Variants in DCX observed in about 807,000 individuals in gnomAD.
DCX encodes the protein neuronal migration protein doublecortin.
Under a neutral mutation model 20.9 loss-of-function variants are expected in DCX, and 4 were observed. That is an observed-to-expected ratio of 0.19 (90% CI 0.09 to 0.44). The LOEUF is 0.44. Among genes scored for constraint, DCX ranks in the 20% least tolerant of loss-of-function variants. The pLI is 0.99. For missense variants in DCX, 133 were observed against 296.9 expected, an observed-to-expected ratio of 0.45 and a Z score of 4.06; for synonymous variants, 103 against 111.4, an observed-to-expected ratio of 0.92 and a Z score of 0.47.
At chrX:111,368,901 TACACACACACACACAC>T (rs200777698) in intron 3 of DCX, among the ~76,000 whole-genome samples, 9 of 98,264 alleles carry the variant, frequency 9.2e-5, no homozygotes, top group Non-Finnish European at 1.7e-4. Context: ...TATATATACA[TACACACACACACACAC>T]ACACACACAC....
chrX:111,309,225 T>A (rs1292533067), intron 6 of DCX, among the ~76,000 whole-genome samples: 1 of 112,514 alleles, frequency 8.9e-6, no homozygotes, highest in African/African-American at 3.2e-5. Context: ...AAGAAGCTGA[T>A]TACAGCTTAG....
At chrX:111,398,274 G>GTT (rs947433352) in intron 3 of DCX, among the ~76,000 whole-genome samples, 1 of 107,839 alleles carries the variant, frequency 9.3e-6, no homozygotes, top group African/African-American at 3.4e-5. Flanking sequence ...CTGAGAATCT[G>GTT]TTTATGTCAG....
intron 3 of DCX, among the ~76,000 whole-genome samples, chrX:111,364,726 T>C (rs2147698412): frequency 9.0e-6 from 1 of 111,667 alleles, no homozygotes; most frequent in South Asian, 3.8e-4. Context: ...AAGAATGAGA[T>C]AGTTTATATT....
At chrX:111,366,037 G>C (rs746079596) in intron 3 of DCX, among the ~76,000 whole-genome samples, 16 of 112,103 alleles carry the variant, frequency 1.4e-4, no homozygotes, top group Non-Finnish European at 2.6e-4. Flanking sequence ...TCCCCTGTTG[G>C]ACAAAACTGC....
intron 5 of DCX, among the ~76,000 whole-genome samples, chrX:111,326,258 G>T (rs1170852472): frequency 4.5e-5 from 5 of 111,094 alleles, no homozygotes; most frequent in South Asian, 3.8e-4. Flanking sequence ...GCCTACCAGG[G>T]TGGGTAATTA....
intron 3 of DCX, among the ~76,000 whole-genome samples, chrX:111,400,766 T>G (rs371580951): frequency 3.6e-5 from 4 of 112,149 alleles, no homozygotes; most frequent in Admixed American, 1.9e-4. Context: ...TAAGTGACCT[T>G]TCTGCATGGT....
chrX:111,328,664 A>G (rs2095105314), intron 5 of DCX, among the ~76,000 whole-genome samples: 1 of 111,934 alleles, frequency 8.9e-6, no homozygotes, highest in Non-Finnish European at 1.9e-5. Context: ...GACTGCTTCC[A>G]ATGAATATAA....
chrX:111,403,016 T>C (rs1927932896), intron 2 of DCX, among the ~76,000 whole-genome samples: 1 of 111,197 alleles, frequency 9.0e-6, no homozygotes, highest in African/African-American at 3.3e-5. Context: ...TCTGATTTCT[T>C]TGACTCCCTT....
intron 5 of DCX, among the ~76,000 whole-genome samples, chrX:111,328,767 G>A (rs905097438): frequency 4.5e-5 from 5 of 110,828 alleles, no homozygotes; most frequent in South Asian, 3.9e-4. Context: ...ACAAACTAAG[G>A]TAGGAGATCT....
chrX:111,388,674 T>C (rs1450556699), intron 3 of DCX, among the ~76,000 whole-genome samples: 1 of 112,249 alleles, frequency 8.9e-6, no homozygotes, highest in African/African-American at 3.2e-5. Context: ...TTGATCAGAC[T>C]AGTGTTACAT....
chrX:111,294,906 G>A lies in DCX; in HGVS notation c.*6781C>T, dbSNP rs772599099. 1.8e-5 allele frequency: 2 copies of A among 112,164 alleles called. No homozygotes were observed. Among genetic ancestry groups the A allele is most frequent in the South Asian group, 7.5e-4 (2 of 2,663 alleles). 9.2% of individuals were successfully genotyped at this position (112,164 alleles called of 1,213,427 possible). A position where few individuals can be genotyped will look rare whatever the true frequency, so the allele number is the denominator to read the frequency against. ...TACAGCTATAGGGCAGAAAGGGTGG[G>A]CTGTTTCCATTTTAAACTTTCTCCC... On this transcript the variant is annotated 3_prime_UTR_variant, in exon 7 of 7. Coordinates refer to ENST00000636035, the MANE Select transcript of DCX (RefSeq NM_001195553.2).
chrX:111,301,723 G>A lies in DCX; in HGVS notation c.1065C>T (p.Ser355=), dbSNP rs1425636471. 8.3e-7 allele frequency: 1 copy of A among 1,211,464 alleles called. No homozygotes were observed. The highest frequency in any genetic ancestry group is 1.1e-6 in the Non-Finnish European group (1 of 895,280). Residue 355 remains serine, a synonymous_variant, in exon 7 of 7, where the codon TCC becomes TCT. Coordinates refer to ENST00000636035, the MANE Select transcript of DCX (RefSeq NM_001195553.2). The part of the protein sequence containing the change: ...KHKVDLYLPL[S]LDDSDSLGDS... ...CACCAAGCGAGTCCGAGTCATCCAA[G>A]GACAGAGGCAGGTACAGGTCCTATA... is the stretch of plus-strand genomic sequence containing the variant.
At chrX:111,326,294 AAAAG>A (rs774363493) in intron 5 of DCX, among the ~76,000 whole-genome samples, 1,243 of 111,679 alleles carry the variant, frequency 0.011, 22 homozygotes, top group African/African-American at 0.038. Context: ...TCCTTAAAAA[AAAAG>A]AAAGAAAGAG....
chrX:111,405,119 G>C (rs1928111800), intron 2 of DCX, among the ~76,000 whole-genome samples: 1 of 112,274 alleles, frequency 8.9e-6, no homozygotes, highest in African/African-American at 3.2e-5. Context: ...CTGTGGGCTG[G>C]AGATGATCTA....
chrX:111,337,364 A>G (rs1921828588), intron 3 of DCX, among the ~76,000 whole-genome samples: 1 of 110,586 alleles, frequency 9.0e-6, no homozygotes, highest in Admixed American at 9.6e-5. Context: ...ACATTGAACC[A>G]TTAACTCAAT....
chrX:111,410,493 G>T, intron 1 of DCX, 73 bp from the exon 2 acceptor site: 2 of 1,164,148 alleles, frequency 1.7e-6, no homozygotes, highest in Non-Finnish European at 2.3e-6. Context: ...GAAAAAAGAA[G>T]GGATTTTAAA....
At chrX:111,333,431 TGAA>T (rs939593499) in intron 3 of DCX, among the ~76,000 whole-genome samples, 3 of 111,343 alleles carry the variant, frequency 2.7e-5, no homozygotes, top group African/African-American at 9.8e-5. Context: ...TGCCGTTTTC[TGAA>T]GAAAAGTCAA....
intron 3 of DCX, among the ~76,000 whole-genome samples, chrX:111,364,938 G>T (rs1415790788): frequency 9.2e-6 from 1 of 109,139 alleles, no homozygotes; most frequent in Non-Finnish European, 1.9e-5. Context: ...AGGCAGGAGT[G>T]CCATGGTGCG....
chrX:111,370,014 A>G (rs1924947975), intron 3 of DCX, among the ~76,000 whole-genome samples: 1 of 111,667 alleles, frequency 9.0e-6, no homozygotes, highest in Non-Finnish European at 1.9e-5. Context: ...GACCATTTCC[A>G]TAAATTCAGC....
Sources: gnomAD v4.1 joint callset for allele counts (sites outside exome capture counted in the v4.1 genomes callset) on GRCh38, gnomAD v4.1.1 for gene constraint, MANE v1.5 for transcripts, NCBI Gene and HGNC (gene_info 2026-07-23, HGNC 2026-07-21) for gene names.